Variants in FAM241A observed in about 807,000 individuals in gnomAD.
FAM241A encodes uncharacterized protein FAM241A.
Under a neutral mutation model 12.2 loss-of-function variants are expected in FAM241A, and 7 were observed. That is an observed-to-expected ratio of 0.58 (90% CI 0.33 to 1.08). The LOEUF (loss-of-function observed/expected upper bound fraction) is 1.08. FAM241A is among the 50% of genes least tolerant of loss of function. The pLI is 0.04. For missense variants in FAM241A, 161 were observed against 169.7 expected (o/e 0.95, Z 0.29); for synonymous variants, 74 against 68.2 (o/e 1.08, Z -0.42).
rs1456363080 is a variant in FAM241A, at chr4:112,192,977, T to G, written c.*6039T>G. Reference sequence around the variant, plus strand: ...CAGTCCCACCAACAGTGTAAAAGTGTTCCTATTTCTCCACATCCTCTCCAG... The same window carrying G: ...CAGTCCCACCAACAGTGTAAAAGTGGTCCTATTTCTCCACATCCTCTCCAG... On this transcript the variant is annotated 3_prime_UTR_variant, in exon 2 of 2. Transcript: ENST00000309733. The G allele has an allele frequency of 6.7e-6, 1 of 148,720 alleles. No homozygotes were observed. Among genetic ancestry groups the G allele is most frequent in the Admixed American group, 6.7e-5 (1 of 14,978 alleles). 9.2% of individuals were successfully genotyped at this position (148,720 alleles called of 1,614,324 possible). A position where few individuals can be genotyped will look rare whatever the true frequency, so the allele number is the denominator to read the frequency against.
At chr4:112,185,487 T>C (rs1724019692) in intron 1 of FAM241A, among the ~76,000 whole-genome samples, 1 of 152,188 alleles carries the variant, frequency 6.6e-6, no homozygotes, top group Non-Finnish European at 1.5e-5. Flanking sequence ...TTCTAACGCA[T>C]GCTAAAGTTT....
At chr4:112,186,579 A>C (rs752493259) in intron 1 of FAM241A, 114 bp from the exon 2 acceptor site, 56 of 952,414 alleles carry the variant, frequency 5.9e-5, no homozygotes, top group Non-Finnish European at 7.7e-5. Flanking sequence ...TACTTGTAGA[A>C]TAATTATCAG....
At chr4:112,151,166 C>T (rs1723238923) in intron 1 of FAM241A, among the ~76,000 whole-genome samples, 1 of 152,096 alleles carries the variant, frequency 6.6e-6, no homozygotes, top group Non-Finnish European at 1.5e-5. Context: ...AGTGCTATGC[C>T]TTTGGTGACA....
At chr4:112,178,621 G>A (rs567887756) in intron 1 of FAM241A, among the ~76,000 whole-genome samples, 15 of 152,084 alleles carry the variant, frequency 9.9e-5, no homozygotes, top group Admixed American at 2.0e-4. Flanking sequence ...ATTGCAACAA[G>A]AACAAAAATT....
At chr4:112,152,589 C>T (rs1269372190) in intron 1 of FAM241A, among the ~76,000 whole-genome samples, 1 of 152,148 alleles carries the variant, frequency 6.6e-6, no homozygotes, top group Non-Finnish European at 1.5e-5. Context: ...CCTTTTCTGC[C>T]TTTCTTTCCT....
At chr4:112,147,310 T>C (rs1202423628) in intron 1 of FAM241A, among the ~76,000 whole-genome samples, 1 of 151,274 alleles carries the variant, frequency 6.6e-6, no homozygotes. Flanking sequence ...GTGTTATTTT[T>C]ATCATTCTGT....
At chr4:112,184,936 G>A (rs926498415) in intron 1 of FAM241A, among the ~76,000 whole-genome samples, 5 of 152,134 alleles carry the variant, frequency 3.3e-5, no homozygotes, top group Non-Finnish European at 7.4e-5. Flanking sequence ...TTTGAAGAAT[G>A]TCTTAAAATT....
At chr4:112,161,788 A>T (rs191567002) in intron 1 of FAM241A, among the ~76,000 whole-genome samples, 1 of 152,220 alleles carries the variant, frequency 6.6e-6, no homozygotes, top group Non-Finnish European at 1.5e-5. Context: ...AAAAAGAAGG[A>T]ATCCTTCCTA....
intron 1 of FAM241A, among the ~76,000 whole-genome samples, chr4:112,185,070 C>T (rs1329195996): frequency 6.6e-6 from 1 of 151,962 alleles, no homozygotes; most frequent in Non-Finnish European, 1.5e-5. Flanking sequence ...TTATGTGAAG[C>T]CCTATATCTA....
intron 1 of FAM241A, among the ~76,000 whole-genome samples, chr4:112,179,937 A>ATATATATATATATATATT (rs1491365952): frequency 8.3e-6 from 1 of 120,364 alleles, no homozygotes; most frequent in Non-Finnish European, 1.8e-5. Flanking sequence ...ATATATATAT[A>ATATATATATATATATATT]TGTATATGTG....
At chr4:112,161,014 GT>G (rs1241887633) in intron 1 of FAM241A, among the ~76,000 whole-genome samples, 1 of 152,140 alleles carries the variant, frequency 6.6e-6, no homozygotes, top group Non-Finnish European at 1.5e-5. Flanking sequence ...AAATTCTTAA[GT>G]AATACAGACA....
intron 1 of FAM241A, among the ~76,000 whole-genome samples, chr4:112,153,564 G>T (rs1578369630): frequency 6.6e-6 from 1 of 152,246 alleles, no homozygotes; most frequent in Middle Eastern, 3.4e-3. Flanking sequence ...TTGAAATGTA[G>T]CTTCTTTTGA....
chr4:112,176,557 T>C (rs1202744129), intron 1 of FAM241A, among the ~76,000 whole-genome samples: 4 of 152,338 alleles, frequency 2.6e-5, no homozygotes, highest in Admixed American at 1.3e-4. Context: ...CTTAACCTCT[T>C]CATTCCTAAT....
chr4:112,167,954 A>G (rs2110428233), intron 1 of FAM241A, among the ~76,000 whole-genome samples: 1 of 152,350 alleles, frequency 6.6e-6, no homozygotes, highest in Admixed American at 6.5e-5. Context: ...GAAAGTAAGC[A>G]GCCATCAGTC....
intron 1 of FAM241A, among the ~76,000 whole-genome samples, chr4:112,176,659 A>G (rs1169379016): frequency 6.6e-6 from 1 of 152,200 alleles, no homozygotes; most frequent in Non-Finnish European, 1.5e-5. Context: ...ATTTCTCATC[A>G]TTAATTTGGG....
chr4:112,163,374 C>T (rs1192951537), intron 1 of FAM241A, among the ~76,000 whole-genome samples: 1 of 152,130 alleles, frequency 6.6e-6, no homozygotes, highest in Non-Finnish European at 1.5e-5. Flanking sequence ...GAACAGGCAA[C>T]CTACAGAATG....
chr4:112,183,656 C>A, intron 1 of FAM241A, among the ~76,000 whole-genome samples: 1 of 148,554 alleles, frequency 6.7e-6, no homozygotes, highest in African/African-American at 2.5e-5. Flanking sequence ...CCCCAAAGTA[C>A]AATGAGTGCA....
intron 1 of FAM241A, among the ~76,000 whole-genome samples, chr4:112,155,140 T>C (rs1186896009): frequency 6.6e-6 from 1 of 152,190 alleles, no homozygotes; most frequent in Non-Finnish European, 1.5e-5. Context: ...CCTTCTCTTA[T>C]TTAATTATTT....
Position 112,151,051 on chromosome 4 carries a change from G to A in FAM241A, c.153+5318G>A, listed in dbSNP as rs951268743. ...AGAACAGCATTAATATAGTTTGGGC[G>A]TTTGTTGCCTCCAAATCTCATACTG... is the stretch of plus-strand genomic sequence containing the variant. On this transcript the variant is annotated intron_variant, in intron 1 of 1. Coordinates refer to ENST00000309733, the MANE Select transcript of FAM241A (RefSeq NM_152400.3). Among the ~76,000 whole-genome samples, 56 of 152,188 alleles carry A rather than the reference G, an allele frequency of 3.7e-4. 1 individual carries two copies. Among genetic ancestry groups the A allele is most frequent in the Admixed American group, 3.6e-3 (55 of 15,278 alleles).
Sources: allele counts gnomAD v4.1 joint callset (sites outside exome capture counted in the v4.1 genomes callset), GRCh38; gene constraint gnomAD v4.1.1; transcripts MANE v1.5; gene names NCBI Gene and HGNC (gene_info 2026-07-23, HGNC 2026-07-21).